S100A8: variants seen among roughly 807,000 people sequenced by gnomAD.
S100A8 encodes the protein S100 calcium binding protein A8, also known as protein S100-A8.
A neutral mutation model predicts 4.2 loss-of-function variants in S100A8; 1 was observed. The observed-to-expected ratio is 0.24, with a 90% confidence interval of 0.08 to 1.12. The LOEUF (loss-of-function observed/expected upper bound fraction) is 1.12, where lower values mean the gene tolerates loss of function less well. S100A8 is among the 50% of genes most tolerant of loss of function. The pLI is 0.53. For missense variants in S100A8, 96 were observed against 111.8 expected (o/e 0.86, Z 0.64); for synonymous variants, 41 against 44.7 (o/e 0.92, Z 0.33).
chr1:153,418,895 A>G, the S100A8 span, among the ~76,000 whole-genome samples: 1 of 152,136 alleles, frequency 6.6e-6, no homozygotes, highest in Non-Finnish European at 1.5e-5. Context: ...AAGGTCACTT[A>G]ACAGAGTGCC....
the S100A8 span, among the ~76,000 whole-genome samples, chr1:153,415,213 C>A: frequency 1.3e-5 from 2 of 151,234 alleles, no homozygotes; most frequent in African/African-American, 2.4e-5. Context: ...TATCTTTTGC[C>A]GCTAAAAGTA....
At chr1:153,420,411 C>G in the S100A8 span, 1 of 152,202 alleles carries the variant, frequency 6.6e-6, no homozygotes, top group Admixed American at 6.5e-5. Context: ...CATCATGTGT[C>G]CCTATCACTC....
At chr1:153,421,780 G>A in the S100A8 span, 1 of 152,216 alleles carries the variant, frequency 6.6e-6, no homozygotes, top group Non-Finnish European at 1.5e-5. Flanking sequence ...CCTAATGTGG[G>A]CCTGCCCTCC....
chr1:153,404,811 A>G, the S100A8 span, among the ~76,000 whole-genome samples: 1 of 151,452 alleles, frequency 6.6e-6, no homozygotes, highest in South Asian at 2.1e-4. Context: ...AACAGGTGCA[A>G]GATTGGTGCC....
At chr1:153,390,612 G>A in intron 1 of S100A8, 55 bp from the exon 2 acceptor site, 1 of 1,593,782 alleles carries the variant, frequency 6.3e-7, no homozygotes, top group South Asian at 1.1e-5. Flanking sequence ...CATCTGGCCA[G>A]GGCAGTACGC....
At chr1:153,391,447 A>G (rs1662095259), upstream of S100A8, among the ~76,000 whole-genome samples, 1 of 152,126 alleles carries the variant, frequency 6.6e-6, no homozygotes, top group South Asian at 2.1e-4. Context: ...TTGAAGTTGA[A>G]TGCATCATTT....
chr1:153,410,875 A>G, the S100A8 span, among the ~76,000 whole-genome samples: 1 of 152,214 alleles, frequency 6.6e-6, no homozygotes, highest in Non-Finnish European at 1.5e-5. Flanking sequence ...CCAAAGATAA[A>G]ATCCACATGA....
the S100A8 span, among the ~76,000 whole-genome samples, chr1:153,410,047 C>T: frequency 6.6e-6 from 1 of 152,134 alleles, no homozygotes; most frequent in Non-Finnish European, 1.5e-5. Context: ...AAAATTGACA[C>T]CCTAACATCA....
chr1:153,406,675 G>C, the S100A8 span, among the ~76,000 whole-genome samples: 45 of 152,314 alleles, frequency 3.0e-4, no homozygotes, highest in African/African-American at 1.1e-3. Context: ...TCTACTTCAG[G>C]CTGGGGAGAG....
the S100A8 span, among the ~76,000 whole-genome samples, chr1:153,401,627 C>G: frequency 3.3e-5 from 5 of 152,176 alleles, no homozygotes; most frequent in East Asian, 7.7e-4. Context: ...GTAGCGCTTT[C>G]TGGTGAAATT....
chr1:153,396,117 GC>G, the S100A8 span, among the ~76,000 whole-genome samples: 1 of 152,186 alleles, frequency 6.6e-6, no homozygotes, highest in Middle Eastern at 3.2e-3. Context: ...ATCAGATAGG[GC>G]CCCCTGGAAT....
At chr1:153,410,211 A>C in the S100A8 span, among the ~76,000 whole-genome samples, 21 of 152,228 alleles carry the variant, frequency 1.4e-4, no homozygotes, top group Admixed American at 1.4e-3. Flanking sequence ...TGAAAAGATT[A>C]ACAAAATTGA....
At chr1:153,404,177 A>C in the S100A8 span, among the ~76,000 whole-genome samples, 1 of 152,038 alleles carries the variant, frequency 6.6e-6, no homozygotes. Flanking sequence ...CCAGGAGCCC[A>C]CCCTTCCGGC....
the S100A8 span, among the ~76,000 whole-genome samples, chr1:153,409,882 G>T: frequency 6.6e-6 from 1 of 152,272 alleles, no homozygotes; most frequent in South Asian, 2.1e-4. Context: ...AATGACTACT[G>T]GGTACATAAT....
the S100A8 span, among the ~76,000 whole-genome samples, chr1:153,404,722 T>A: frequency 6.6e-6 from 1 of 152,190 alleles, no homozygotes; most frequent in East Asian, 1.9e-4. Flanking sequence ...CTGGTAAGCA[T>A]TGGAGAGAGA....
At chr1:153,418,196 G>C in the S100A8 span, 1 of 1,613,988 alleles carries the variant, frequency 6.2e-7, no homozygotes, top group Non-Finnish European at 8.5e-7. Flanking sequence ...TGATGAAGGA[G>C]AACTTCCCCA....
the S100A8 span, chr1:153,416,461 C>A: frequency 2.7e-6 from 1 of 367,772 alleles, no homozygotes; most frequent in South Asian, 2.6e-5. Flanking sequence ...CCCCAGGCCT[C>A]CCAACCCGTG....
At chr1:153,417,908 T>C in the S100A8 span, 2 of 933,754 alleles carry the variant, frequency 2.1e-6, no homozygotes, top group Non-Finnish European at 3.1e-6. Context: ...TACCCTCTCA[T>C]TTTTGAACAA....
the S100A8 span, among the ~76,000 whole-genome samples, chr1:153,415,557 G>A: frequency 6.6e-6 from 1 of 152,182 alleles, no homozygotes; most frequent in African/African-American, 2.4e-5. Flanking sequence ...TCCACAGCAG[G>A]TTAGGGCACA....
Sources: allele counts gnomAD v4.1 joint callset (sites outside exome capture counted in the v4.1 genomes callset), GRCh38; gene constraint gnomAD v4.1.1; transcripts MANE v1.5; gene names NCBI Gene and HGNC (gene_info 2026-07-23, HGNC 2026-07-21).